COPG2: variants seen among roughly 807,000 people sequenced by gnomAD.
COPG2 encodes the protein coatomer subunit gamma-2.
Under a neutral mutation model 46.3 loss-of-function variants are expected in COPG2, and 37 were observed. The ratio of observed to expected loss-of-function variants is 0.80; its 90% CI spans 0.61 to 1.05. The LOEUF (loss-of-function observed/expected upper bound fraction) is 1.05. Ranked by LOEUF, COPG2 falls within the 50% of genes least tolerant of loss-of-function variation. COPG2 has a pLI of 0.00. For synonymous variants in COPG2, 159 were observed against 129.7 expected (o/e 1.23, Z -1.53); for missense variants, 427 against 387.8 (o/e 1.10, Z -0.85).
chr7:130,526,658 T>A (rs976588474), intron 20 of COPG2, among the ~76,000 whole-genome samples: 1 of 151,170 alleles, frequency 6.6e-6, no homozygotes, highest in African/African-American at 2.4e-5. Context: ...ACAAAGGAAT[T>A]TGGAGTGCTC....
rs373160863 is a variant in COPG2, at chr7:130,606,062, A to G, written c.737+4891T>C. ...AGACTTATAAGAAATCTGATCTTAA[A>G]TGATCCACCCACCTCAGCTTCCCAA... On this transcript the variant is annotated intron_variant, in intron 9 of 23. Transcript: ENST00000425248. 2.0e-3 allele frequency among the ~76,000 whole-genome samples: 308 copies of G among 152,072 alleles called. 2 individuals are homozygous for G. The highest frequency in any genetic ancestry group is 6.7e-3 in the African/African-American group (279 of 41,498).
chr7:130,656,510 G>A (rs1795855940), intron 4 of COPG2, among the ~76,000 whole-genome samples: 1 of 152,064 alleles, frequency 6.6e-6, no homozygotes, highest in Non-Finnish European at 1.5e-5. Context: ...CACTCAAGAA[G>A]ACAAATAACC....
rs1793371421 is a variant in COPG2 at position 130,543,182 on chromosome 7, G to A, written c.2149+4492C>T. On this transcript the variant is annotated intron_variant, in intron 20 of 23. Transcript: ENST00000425248. ...TTGCAAGTGTGGGGGTTGGACATAG[G>A]TTACTATGTGTTTAATGTGGTCTCC... Among the ~76,000 whole-genome samples, 3 of 152,304 alleles carry A rather than the reference G, an allele frequency of 2.0e-5. No homozygotes were observed. In the South Asian group the frequency reaches 6.2e-4, roughly 32 times the overall value.
At chr7:130,530,998 T>G (rs1799819223) in intron 20 of COPG2, among the ~76,000 whole-genome samples, 2 of 149,308 alleles carry the variant, frequency 1.3e-5, no homozygotes, top group Non-Finnish European at 3.0e-5. Flanking sequence ...CCTTGAACTT[T>G]GTTGCAAAGG....
chr7:130,566,565 A>G (rs1793806507), intron 9 of COPG2, among the ~76,000 whole-genome samples: 1 of 152,236 alleles, frequency 6.6e-6, no homozygotes. Flanking sequence ...ACAGCAATGC[A>G]GGTTTTATGT....
At chr7:130,667,397 G>T (rs1333577986) in intron 2 of COPG2, 85 bp downstream of exon 2, 3 of 1,070,506 alleles carry the variant, frequency 2.8e-6, no homozygotes, top group East Asian at 4.9e-5. Context: ...TTTGCATGTC[G>T]TGATCACAGC....
At chr7:130,651,287 C>T (rs1795733228) in intron 5 of COPG2, among the ~76,000 whole-genome samples, 1 of 151,656 alleles carries the variant, frequency 6.6e-6, no homozygotes, top group South Asian at 2.1e-4. Flanking sequence ...GTCTGTATAA[C>T]TTCTATCCAC....
intron 9 of COPG2, among the ~76,000 whole-genome samples, chr7:130,567,531 T>C (rs1793824370): frequency 6.6e-6 from 1 of 152,050 alleles, no homozygotes; most frequent in African/African-American, 2.4e-5. Flanking sequence ...AAAGTCAAGA[T>C]GAAGGAAAGA....
chr7:130,586,272 C>T (rs1349772581), intron 9 of COPG2, among the ~76,000 whole-genome samples: 1 of 151,890 alleles, frequency 6.6e-6, no homozygotes, highest in Non-Finnish European at 1.5e-5. Flanking sequence ...GCTATGAGGA[C>T]TCAAAGGCAT....
At chr7:130,625,273 T>A (rs1795098447) in intron 5 of COPG2, among the ~76,000 whole-genome samples, 1 of 152,220 alleles carries the variant, frequency 6.6e-6, no homozygotes, top group African/African-American at 2.4e-5. Context: ...GCTGTCCCAC[T>A]AAATTATTGA....
chr7:130,565,639 C>T (rs957683907), intron 9 of COPG2, among the ~76,000 whole-genome samples: 8 of 152,134 alleles, frequency 5.3e-5, no homozygotes, highest in Non-Finnish European at 1.0e-4. Context: ...TTTAAGTCAG[C>T]TAATATAAAT....
chr7:130,553,035 T>G (rs1793557669), intron 14 of COPG2, among the ~76,000 whole-genome samples: 1 of 152,198 alleles, frequency 6.6e-6, no homozygotes, highest in Non-Finnish European at 1.5e-5. Context: ...GACAAAGAGT[T>G]AATACATATT....
At chr7:130,536,313 G>T (rs1799878777) in intron 20 of COPG2, among the ~76,000 whole-genome samples, 1 of 152,028 alleles carries the variant, frequency 6.6e-6, no homozygotes, top group Non-Finnish European at 1.5e-5. Flanking sequence ...CTAGAAATAG[G>T]AGAGTAAAGG....
At position 130,617,025 on chromosome 7, in the gene COPG2, C is replaced by A. The variant is rs1794962951; in HGVS notation, c.364G>T (p.Gly122Cys). 1 of 1,611,510 alleles carries A rather than the reference C, an allele frequency of 6.2e-7. No individual in the cohort carries two copies. Among genetic ancestry groups the A allele is most frequent in the African/African-American group, 1.3e-5 (1 of 74,920 alleles). Residue 122 changes from glycine to cysteine, a missense_variant, in exon 6 of 24, where the codon GGC (glycine) becomes TGC (cysteine). Gly to Cys is a radical substitution (Grantham distance 159). Transcript: ENST00000425248. ...CTGCAGAGAGCTCTGATGGCCGGGC[C>A]TCGGTATACATCTTCTTTTCCAGTC... ...DMTGKEDVYR[G>C]PAIRALCRIT...
At chr7:130,631,963 T>C (rs930495238) in intron 5 of COPG2, among the ~76,000 whole-genome samples, 2 of 152,230 alleles carry the variant, frequency 1.3e-5, no homozygotes, top group Non-Finnish European at 2.9e-5. Flanking sequence ...AATTGCCTTT[T>C]TATCACCTTC....
At chr7:130,578,598 G>GA (rs1445922831) in intron 9 of COPG2, among the ~76,000 whole-genome samples, 2 of 151,852 alleles carry the variant, frequency 1.3e-5, no homozygotes, top group Non-Finnish European at 1.5e-5. Context: ...TGAAAGCTTT[G>GA]AAAAAAATTT....
intron 20 of COPG2, among the ~76,000 whole-genome samples, chr7:130,519,324 G>A (rs1478166596): frequency 3.9e-5 from 6 of 152,286 alleles, no homozygotes; most frequent in African/African-American, 1.4e-4. Flanking sequence ...GAAGCAATTG[G>A]TGGAGTCAAC....
intron 9 of COPG2, among the ~76,000 whole-genome samples, chr7:130,591,761 C>T (rs1340864478): frequency 1.4e-5 from 2 of 146,276 alleles, no homozygotes; most frequent in African/African-American, 2.6e-5. Context: ...CCAGCCACCC[C>T]GTCCGGGAGG....
intron 11 of COPG2, among the ~76,000 whole-genome samples, 199 bp from the exon 12 acceptor site, chr7:130,561,420 CTCTTT>C (rs1793717568): frequency 6.6e-6 from 1 of 152,152 alleles, no homozygotes; most frequent in Admixed American, 6.5e-5. Context: ...GCATCGTACT[CTCTTT>C]TGTTAGGTTC....
Sources: allele counts gnomAD v4.1 joint callset (sites outside exome capture counted in the v4.1 genomes callset), GRCh38; gene constraint gnomAD v4.1.1; transcripts MANE v1.5; gene names NCBI Gene and HGNC (gene_info 2026-07-23, HGNC 2026-07-21).